Variants in NME2 observed in about 807,000 individuals in gnomAD.
The protein encoded by NME2 is nucleoside diphosphate kinase B.
In NME2, 18 loss-of-function variants were observed where a neutral mutation model predicts 17.8. That is an observed-to-expected ratio of 1.01 (90% CI 0.70 to 1.50). NME2 has a LOEUF of 1.50. Ranked by LOEUF, NME2 falls within the 40% of genes most tolerant of loss-of-function variation. The pLI, the probability that NME2 is intolerant of heterozygous loss-of-function variation, is 0.00. For missense variants in NME2, 161 were observed against 195.6 expected, an observed-to-expected ratio of 0.82 and a Z score of 1.05; for synonymous variants, 74 against 71.4, an observed-to-expected ratio of 1.04 and a Z score of -0.19.
chr17:51,168,374 A>G, intron 3 of NME2, 31 bp downstream of exon 3: 2 of 1,606,952 alleles, frequency 1.2e-6, no homozygotes, highest in Non-Finnish European at 1.7e-6. Flanking sequence ...AGAGAAAATG[A>G]GGAAAAAGTG....
intron 3 of NME2, among the ~76,000 whole-genome samples, chr17:51,168,870 C>T (rs903219597): frequency 1.5e-3 from 181 of 119,198 alleles, no homozygotes; most frequent in Non-Finnish European, 2.5e-3. Context: ...GGCTGAAGCA[C>T]GAGAATCGCT....
intron 3 of NME2, 115 bp from the exon 4 acceptor site, chr17:51,169,821 GA>G: frequency 1.1e-6 from 1 of 897,330 alleles, no homozygotes. Flanking sequence ...GGGGTTAGCT[GA>G]TAATCATGTC....
At chr17:51,168,446 C>T (rs1357824136) in intron 3 of NME2, 103 bp downstream of exon 3, 25 of 1,242,558 alleles carry the variant, frequency 2.0e-5, no homozygotes, top group Non-Finnish European at 2.8e-5. Context: ...TGAATGGAAC[C>T]TGCTGAAGTT....
In NME2 at chr17:51,171,564, T is replaced by C. The variant is rs763321344; in HGVS notation, c.419T>C (p.Val140Ala). 9 of 1,613,810 alleles carry C rather than the reference T, an allele frequency of 5.6e-6. No individual in the cohort carries two copies. The African/African-American group carries it at 6.7e-5, about 12-fold the overall frequency. The change falls in exon 5 of 5, where the codon GTT (valine) becomes GCT (alanine). Residue 140 changes from valine to alanine, a missense_variant. Transcript: ENST00000512737. ...CTATGGTTTAAGCCTGAAGAACTGGTTGACTACAAGTCTTGTGCTCATGAC... is the reference window on the plus strand; with the variant it reads ...CTATGGTTTAAGCCTGAAGAACTGGCTGACTACAAGTCTTGTGCTCATGAC... Reference protein sequence around the residue: ...ISLWFKPEELVDYKSCAHDWV... With the variant: ...ISLWFKPEELADYKSCAHDWV...
intron 2 of NME2, among the ~76,000 whole-genome samples, chr17:51,167,491 C>G (rs747616407): frequency 1.8e-4 from 27 of 152,182 alleles, no homozygotes; most frequent in Admixed American, 5.2e-4. Context: ...AGAGAATGTT[C>G]TCAGTTATTA....
At chr17:51,168,491 A>C (rs1214627579) in intron 3 of NME2, 148 bp downstream of exon 3, 1 of 740,822 alleles carries the variant, frequency 1.3e-6, no homozygotes, top group African/African-American at 1.8e-5. Context: ...GGGAGGAGAA[A>C]GCAAATCAGA....
intron 4 of NME2, 86 bp downstream of exon 4, chr17:51,170,135 C>T: frequency 2.4e-6 from 2 of 847,108 alleles, no homozygotes; most frequent in Non-Finnish European, 3.4e-6. Context: ...TCAGAAGAAT[C>T]TGTGCCCTTT....
At chr17:51,166,578 T>C (rs867158825) in intron 1 of NME2, 81 bp downstream of exon 1, 7 of 269,744 alleles carry the variant, frequency 2.6e-5, no homozygotes, top group Middle Eastern at 1.1e-3. Context: ...GCCCGGTCTG[T>C]GGGCGCCCCC....
chr17:51,168,404 C>T (rs1285277775), intron 3 of NME2, 61 bp downstream of exon 3: 9 of 1,536,992 alleles, frequency 5.9e-6, no homozygotes, highest in Admixed American at 3.4e-5. Flanking sequence ...CTTTGTTAGA[C>T]ATCTCCCTCA....
chr17:51,168,616 A>G (rs1160102434), intron 3 of NME2, among the ~76,000 whole-genome samples: 1 of 152,082 alleles, frequency 6.6e-6, no homozygotes, highest in Admixed American at 6.6e-5. Context: ...GGTTGCAGTG[A>G]GCCGAGATCG....
At chr17:51,169,152 G>C (rs2050012895) in intron 3 of NME2, among the ~76,000 whole-genome samples, 1 of 151,788 alleles carries the variant, frequency 6.6e-6, no homozygotes, top group Admixed American at 6.6e-5. Flanking sequence ...GAGAATATGA[G>C]GAGAGAGTGG....
At chr17:51,168,103 G>GTATA (rs542980136) in intron 2 of NME2, 139 bp from the exon 3 acceptor site, 3 of 585,788 alleles carry the variant, frequency 5.1e-6, no homozygotes, top group Non-Finnish European at 9.0e-6. Flanking sequence ...GTATATGTGT[G>GTATA]TATATATATA....
chr17:51,170,818 AG>A (rs2050056058), intron 4 of NME2, among the ~76,000 whole-genome samples: 1 of 151,644 alleles, frequency 6.6e-6, no homozygotes, highest in Non-Finnish European at 1.5e-5. Context: ...TTTCACACAT[AG>A]CTTCTTCCCT....
At chr17:51,168,818 G>A (rs1216050356) in intron 3 of NME2, among the ~76,000 whole-genome samples, 2 of 151,490 alleles carry the variant, frequency 1.3e-5, no homozygotes, top group African/African-American at 4.9e-5. Flanking sequence ...GCTGAGGCGG[G>A]TGGATCACCT....
chr17:51,167,151 G>A, intron 2 of NME2, 195 bp downstream of exon 2: 1 of 1,243,364 alleles, frequency 8.0e-7, no homozygotes, highest in Non-Finnish European at 1.1e-6. Flanking sequence ...CCCTTGGGAA[G>A]GTGAAGCGCT....
chr17:51,167,075 G>A, intron 2 of NME2, 119 bp downstream of exon 2: 1 of 1,579,354 alleles, frequency 6.3e-7, no homozygotes, highest in Non-Finnish European at 8.6e-7. Flanking sequence ...AAATCCCTTT[G>A]CCCTCTGCCC....
chr17:51,169,819 CT>C, intron 3 of NME2, 117 bp from the exon 4 acceptor site: 1 of 872,638 alleles, frequency 1.1e-6, no homozygotes, highest in South Asian at 1.5e-5. Flanking sequence ...CTGGGGTTAG[CT>C]GATAATCATG....
In NME2 at chr17:51,168,140, G is replaced by T. The variant is rs1272776501; in HGVS notation, c.127-102G>T. 4.1e-6 allele frequency: 4 copies of T among 972,882 alleles called. No homozygotes were observed. The East Asian group carries it at 9.8e-5, about 24-fold the overall frequency. The allele number at this position is 972,882 out of a possible 1,614,324, so 60.3% of individuals were successfully genotyped here. A position where few individuals can be genotyped will look rare whatever the true frequency, so the allele number is the denominator to read the frequency against. Reference sequence around the variant, plus strand: ...ATATTTCCACACACCACTTAGGAACGTGGGCTAGAATATAAAACCGGACTT... The same window carrying T: ...ATATTTCCACACACCACTTAGGAACTTGGGCTAGAATATAAAACCGGACTT... On this transcript the variant is annotated intron_variant, in intron 2 of 4. Transcript: ENST00000512737.
In NME2 at chr17:51,171,539, C is replaced by T; in HGVS notation, c.394C>T (p.Leu132=). The T allele has an allele frequency of 6.2e-7, 1 of 1,613,838 alleles. No homozygotes were observed. The highest frequency in any genetic ancestry group is 1.1e-5 in the South Asian group (1 of 91,058). The part of the protein sequence containing the change: ...SVKSAEKEIS[L]WFKPEELVDY... ...AAAAAGTGCTGAAAAAGAAATCAGC[C>T]TATGGTTTAAGCCTGAAGAACTGGT... The change falls in exon 5 of 5, where the codon CTA becomes TTA. Residue 132 remains leucine, a synonymous_variant. Coordinates refer to ENST00000512737, the MANE Select transcript of NME2 (RefSeq NM_002512.4).
Sources: allele counts gnomAD v4.1 joint callset (sites outside exome capture counted in the v4.1 genomes callset), GRCh38; gene constraint gnomAD v4.1.1; transcripts MANE v1.5; gene names NCBI Gene and HGNC (gene_info 2026-07-23, HGNC 2026-07-21).